Variants in ARAP2 observed in about 807,000 individuals in gnomAD.
ARAP2 encodes the protein ArfGAP with RhoGAP domain, ankyrin repeat and PH domain 2.
Under a neutral mutation model 194.5 loss-of-function variants are expected in ARAP2, and 148 were observed. The observed-to-expected ratio is 0.76, with a 90% CI of 0.67 to 0.87. The LOEUF (loss-of-function observed/expected upper bound fraction) is 0.87. Among genes scored for constraint, ARAP2 ranks in the 40% least tolerant of loss-of-function variants. ARAP2 has a pLI of 0.00. For missense variants in ARAP2, 2,128 were observed against 1,989.7 expected, an observed-to-expected ratio of 1.07 and a Z score of -1.32; for synonymous variants, 695 against 683.5, an observed-to-expected ratio of 1.02 and a Z score of -0.26.
intron 28 of ARAP2, among the ~76,000 whole-genome samples, chr4:36,091,015 C>G (rs1374466482): frequency 6.6e-6 from 1 of 151,968 alleles, no homozygotes; most frequent in African/African-American, 2.4e-5. Context: ...TTTTTTTATC[C>G]TAATGCTTTT....
intron 5 of ARAP2, among the ~76,000 whole-genome samples, chr4:36,038,134 CT>C: frequency 6.6e-6 from 1 of 152,190 alleles, no homozygotes; most frequent in South Asian, 2.1e-4. Context: ...TAGACAACCA[CT>C]AATACCTTAG....
At position 36,177,882 on chromosome 4, in the gene ARAP2, G is replaced by A. The variant is rs571978273; in HGVS notation, c.1802C>T (p.Ala601Val). The A allele has an allele frequency of 2.3e-5, 37 of 1,613,018 alleles. No homozygotes were observed. Among genetic ancestry groups the A allele is most frequent in the Non-Finnish European group, 3.1e-5 (37 of 1,179,582 alleles). ...CGYLELRGYKAKIFTVLSGNS... is the reference protein window; with the variant it reads ...CGYLELRGYKVKIFTVLSGNS... ...TCCACTTAACACAGTAAAAATTTTT[G>A]CCTTATAGCCTCTCAATTCAAGATA... The change falls in exon 9 of 33, where the codon GCA (alanine) becomes GTA (valine). Residue 601 changes from alanine to valine, a missense_variant. By Grantham distance (64) the Ala-to-Val change is moderately conservative. Transcript: ENST00000303965.
At chr4:36,143,401 G>T (rs1224854337) in intron 19 of ARAP2, among the ~76,000 whole-genome samples, 2 of 151,564 alleles carry the variant, frequency 1.3e-5, no homozygotes, top group Non-Finnish European at 3.0e-5. Context: ...AACACTTGTT[G>T]CTTTATATCC....
intron 27 of ARAP2, among the ~76,000 whole-genome samples, chr4:36,102,357 T>C (rs1411983035): frequency 1.3e-5 from 2 of 152,020 alleles, no homozygotes; most frequent in Non-Finnish European, 2.9e-5. Flanking sequence ...AATGATCTGA[T>C]GATATATACT....
At chr4:36,020,596 A>G (rs574555947) in intron 5 of ARAP2, among the ~76,000 whole-genome samples, 13 of 152,338 alleles carry the variant, frequency 8.5e-5, no homozygotes, top group African/African-American at 3.1e-4. Flanking sequence ...CCTACTCAGA[A>G]TGATGCACAA....
exon 6 of ARAP2, chr4:36,019,284 A>G (rs1458355903): frequency 6.7e-6 from 1 of 149,310 alleles, no homozygotes; most frequent in Non-Finnish European, 1.5e-5. Flanking sequence ...GATGTATCAT[A>G]TACTGTTAAT....
intron 28 of ARAP2, among the ~76,000 whole-genome samples, chr4:36,087,099 A>G (rs1028107292): frequency 6.6e-6 from 1 of 152,086 alleles, no homozygotes; most frequent in African/African-American, 2.4e-5. Flanking sequence ...AACCACTAAA[A>G]CAAATGCTAA....
In ARAP2 at chr4:36,082,297, T is replaced by C. The variant is rs768014354; in HGVS notation, c.4509-11A>G. On this transcript the variant is annotated splice_polypyrimidine_tract_variant and intron_variant, in intron 29 of 32. Coordinates refer to ENST00000303965, the MANE Select transcript of ARAP2 (RefSeq NM_015230.4). ...GCGGTCAATCCCCAGCTGCATCACA[T>C]AGAAAAAAAAACACACATAAATTAA... 5.0e-6 allele frequency: 8 copies of C among 1,600,792 alleles called. No individual in the cohort carries two copies. Among genetic ancestry groups the C allele is most frequent in the Non-Finnish European group, 5.1e-6 (6 of 1,175,230 alleles).
At chr4:36,168,229 G>A (rs1437776832) in intron 9 of ARAP2, among the ~76,000 whole-genome samples, 2 of 152,126 alleles carry the variant, frequency 1.3e-5, no homozygotes, top group Non-Finnish European at 2.9e-5. Flanking sequence ...AGGAGGGGCC[G>A]AAAAGCCTTA....
At chr4:36,116,568 T>C (rs1193692167) in intron 25 of ARAP2, among the ~76,000 whole-genome samples, 1 of 151,878 alleles carries the variant, frequency 6.6e-6, no homozygotes, top group Non-Finnish European at 1.5e-5. Context: ...GATGCTAAAG[T>C]ATAGAAAACA....
intron 15 of ARAP2, among the ~76,000 whole-genome samples, chr4:36,156,043 A>C (rs1012646675): frequency 1.3e-5 from 2 of 152,030 alleles, no homozygotes; most frequent in African/African-American, 4.8e-5. Context: ...GCACATTGAG[A>C]GGCTGAGACA....
chr4:36,086,333 A>C (rs575193824), intron 28 of ARAP2, among the ~76,000 whole-genome samples: 1 of 152,228 alleles, frequency 6.6e-6, no homozygotes, highest in East Asian at 1.9e-4. Context: ...TAATAAGTAG[A>C]TTGAGAGTCT....
At chr4:36,135,199 C>G (rs1183773177) in intron 19 of ARAP2, among the ~76,000 whole-genome samples, 1 of 151,682 alleles carries the variant, frequency 6.6e-6, no homozygotes, top group Non-Finnish European at 1.5e-5. Flanking sequence ...TATATTCAAC[C>G]CAAAGAGGCA....
At chr4:36,042,860 T>TTC (rs1721108498) in intron 5 of ARAP2, among the ~76,000 whole-genome samples, 1 of 151,758 alleles carries the variant, frequency 6.6e-6, no homozygotes, top group African/African-American at 2.4e-5. Context: ...TTTTTTTTTT[T>TTC]CAAACAGGGT....
intron 10 of ARAP2, among the ~76,000 whole-genome samples, chr4:36,166,243 C>A (rs772429701): frequency 2.0e-5 from 3 of 152,068 alleles, no homozygotes; most frequent in Non-Finnish European, 2.9e-5. Context: ...CCCACTACCA[C>A]GTGATGTTGA....
At chr4:36,071,907 G>C (rs1245019619) in intron 32 of ARAP2, among the ~76,000 whole-genome samples, 3 of 150,160 alleles carry the variant, frequency 2.0e-5, no homozygotes, top group Non-Finnish European at 4.4e-5. Flanking sequence ...GTGTCCATGT[G>C]ATCTCATTGT....
At chr4:36,134,073 G>T (rs1726075620) in intron 19 of ARAP2, among the ~76,000 whole-genome samples, 1 of 151,724 alleles carries the variant, frequency 6.6e-6, no homozygotes. Context: ...TTAAATTTTA[G>T]CTCTGCCATT....
intron 27 of ARAP2, among the ~76,000 whole-genome samples, chr4:36,101,396 G>T (rs1441773585): frequency 6.7e-6 from 1 of 149,898 alleles, no homozygotes; most frequent in African/African-American, 2.4e-5. Context: ...AAGTACCAGA[G>T]TTTTTTTTTT....
intron 21 of ARAP2, among the ~76,000 whole-genome samples, chr4:36,125,319 G>A (rs533391097): frequency 2.1e-4 from 32 of 152,024 alleles, no homozygotes; most frequent in South Asian, 8.3e-4. Context: ...TCAAACTGGA[G>A]TACAAACTGA....
Sources: gnomAD v4.1 joint callset for allele counts (sites outside exome capture counted in the v4.1 genomes callset) on GRCh38, gnomAD v4.1.1 for gene constraint, MANE v1.5 for transcripts, NCBI Gene and HGNC (gene_info 2026-07-23, HGNC 2026-07-21) for gene names.